The following IFFO2 variants were observed in gnomAD, a reference collection of about 807,000 sequenced individuals.
IFFO2 encodes intermediate filament family orphan 2.
IFFO2 carries 19 observed loss-of-function variants against 53.5 expected under a neutral mutation model. The ratio of observed to expected loss-of-function variants is 0.36; its 90% CI spans 0.25 to 0.52. IFFO2 has a LOEUF of 0.52. IFFO2 is among the 20% of genes least tolerant of loss of function. The pLI, the probability that IFFO2 is intolerant of heterozygous loss-of-function variation, is 0.94. For synonymous variants in IFFO2, 303 were observed against 313.6 expected (o/e 0.97, Z 0.36); for missense variants, 570 against 727.4 (o/e 0.78, Z 2.49).
chr1:18,912,051 T>C lies in IFFO2; in HGVS notation c.1136A>G (p.Asp379Gly). The C allele has an allele frequency of 3.9e-6, 6 of 1,551,736 alleles. No homozygotes were observed. Among genetic ancestry groups the C allele is most frequent in the Non-Finnish European group, 5.2e-6 (6 of 1,146,962 alleles). Residue 379 changes from aspartate to glycine, a missense_variant, in exon 6 of 9, where the codon GAC (aspartate) becomes GGC (glycine). By Grantham distance (94) the Asp-to-Gly change is moderately conservative. Transcript: ENST00000455833. ...TTCATTCTCTTCCCACGTCAGGCTG[T>C]CACAGTCGTCGTCAAAGTCAAAGGT... is the stretch of plus-strand genomic sequence containing the variant. The part of the protein sequence containing the change: ...RETFDFDDDC[D>G]SLTWEENEDT...
rs1430627538 is a variant in IFFO2 at position 18,904,367 on chromosome 1, T to C, written c.*4194A>G. 1 of 152,098 alleles carries C rather than the reference T, an allele frequency of 6.6e-6. No individual in the cohort carries two copies. The highest frequency in any genetic ancestry group is 1.5e-5 in the Non-Finnish European group (1 of 68,028). The allele number at this position is 152,098 out of a possible 1,614,324, so 9.4% of individuals were successfully genotyped here. The stretch of plus-strand genomic sequence containing the variant: ...TATTTACAACAGTACAGTAAACAGG[T>C]TGGTTTCCGGTAGGATCAGTAGTCT... On this transcript the variant is annotated 3_prime_UTR_variant, in exon 9 of 9. Transcript: ENST00000455833.
In IFFO2 at chr1:18,918,236, A is replaced by T; in HGVS notation, c.963+126T>A. 1.1e-6 allele frequency: 1 copy of T among 879,302 alleles called. No homozygotes were observed. Among genetic ancestry groups the T allele is most frequent in the Non-Finnish European group, 1.8e-6 (1 of 569,046 alleles). The allele number at this position is 879,302 out of a possible 1,614,324, so 54.5% of individuals were successfully genotyped here. A position where few individuals can be genotyped will look rare whatever the true frequency, so the allele number is the denominator to read the frequency against. On this transcript the variant is annotated intron_variant, in intron 4 of 8. Transcript: ENST00000455833. The surrounding 1 kb of genome is among the most constrained non-coding windows in gnomAD (Gnocchi z 5.2). ...GGAGGCCACAGGGTCAGGTAGTGCT[A>T]CCTCTCGGGGAAGGGGAGGGAGTGA...
chr1:18,912,713 C>T lies in IFFO2; in HGVS notation c.1104-630G>A, dbSNP rs551197026. ...AAAACAATTCCACCCTCAAAACAAT[C>T]CTATGAGGTAAGCATAACTATCGTT... On this transcript the variant is annotated intron_variant, in intron 5 of 8. Coordinates refer to ENST00000455833, the MANE Select transcript of IFFO2 (RefSeq NM_001136265.2). 5.9e-5 allele frequency among the ~76,000 whole-genome samples: 9 copies of T among 152,312 alleles called. No individual in the cohort carries two copies. In the South Asian group the frequency reaches 1.9e-3, roughly 32 times the overall value.
Position 18,916,589 on chromosome 1 carries a change from G to A in IFFO2, c.1103+314C>T, listed in dbSNP as rs1936135626. ...GAGACCAGCCTGGGCAACACAGTGA[G>A]ACCCTGTCTCTACAAAAAAATTTAA... is the stretch of plus-strand genomic sequence containing the variant. On this transcript the variant is annotated intron_variant, in intron 5 of 8. Transcript: ENST00000455833. This position sits in a 1 kb window ranked among gnomAD's most constrained non-coding sequence, Gnocchi z 4.3. Among the ~76,000 whole-genome samples the A allele has an allele frequency of 6.6e-6, 1 of 152,150 alleles. No individual in the cohort carries two copies. The highest frequency in any genetic ancestry group is 2.4e-5 in the African/African-American group (1 of 41,434).
At chr1:18,924,225 G>A (rs1482503321) in intron 1 of IFFO2, among the ~76,000 whole-genome samples, 1 of 152,238 alleles carries the variant, frequency 6.6e-6, no homozygotes, top group Non-Finnish European at 1.5e-5. Context: ...GGGCCAGGTG[G>A]GCGATGTGTT....
Position 18,947,069 on chromosome 1 carries a change from C to A in IFFO2, c.665+8599G>T, listed in dbSNP as rs1318694503. On this transcript the variant is annotated intron_variant, in intron 1 of 8. Transcript: ENST00000455833. This position sits in a 1 kb window ranked among gnomAD's most constrained non-coding sequence, Gnocchi z 5.0. Reference sequence around the variant, plus strand: ...TTCTCGAGGGCAGGGGCCTGGCCCACGGTGGGTACTCAGCCACTGTTCTGA... The same window carrying A: ...TTCTCGAGGGCAGGGGCCTGGCCCAAGGTGGGTACTCAGCCACTGTTCTGA... Among the ~76,000 whole-genome samples the A allele has an allele frequency of 6.6e-6, 1 of 152,050 alleles. No homozygotes were observed. The highest frequency in any genetic ancestry group is 1.5e-5 in the Non-Finnish European group (1 of 67,988).
At chr1:18,938,812 G>A (rs1247076583) in intron 1 of IFFO2, among the ~76,000 whole-genome samples, 2 of 152,146 alleles carry the variant, frequency 1.3e-5, no homozygotes, top group South Asian at 2.1e-4. Flanking sequence ...CAGGGGCCAC[G>A]CCCACCCCTG....
chr1:18,953,394 C>A (rs1449730964), intron 1 of IFFO2, among the ~76,000 whole-genome samples: 2 of 152,132 alleles, frequency 1.3e-5, no homozygotes, highest in African/African-American at 4.8e-5. Context: ...AACAAGTTAG[C>A]ATGTTAGTAG....
chr1:18,913,982 C>A (rs866498297), intron 5 of IFFO2, among the ~76,000 whole-genome samples: 1 of 150,858 alleles, frequency 6.6e-6, no homozygotes, highest in African/African-American at 2.5e-5. Context: ...CAGGCGCCCG[C>A]CACCACGCCC....
chr1:18,931,943 G>A (rs1313815806), intron 1 of IFFO2, among the ~76,000 whole-genome samples: 3 of 152,210 alleles, frequency 2.0e-5, no homozygotes, highest in Admixed American at 1.3e-4. Flanking sequence ...TGGAAACAAA[G>A]CCACTTTGCC....
At chr1:18,912,967 C>A (rs1032216272) in intron 5 of IFFO2, among the ~76,000 whole-genome samples, 18 of 152,336 alleles carry the variant, frequency 1.2e-4, no homozygotes, top group African/African-American at 4.1e-4. Flanking sequence ...GCTCATCCAA[C>A]ATACCCCTAT....
Position 18,955,946 on chromosome 1 carries a change from C to T in IFFO2, c.387G>A (p.Ala129=). 2 of 1,263,370 alleles carry T rather than the reference C, an allele frequency of 1.6e-6. No homozygotes were observed. The highest frequency in any genetic ancestry group is 2.8e-5 in the South Asian group (1 of 35,582). The allele number at this position is 1,263,370 out of a possible 1,614,324, so 78.3% of individuals were successfully genotyped here. A position where few individuals can be genotyped will look rare whatever the true frequency, so the allele number is the denominator to read the frequency against. Residue 129 remains alanine, a synonymous_variant, in exon 1 of 9, where the codon GCG becomes GCA. Transcript: ENST00000455833. ...PGGGHGLSSG[A]AAGANANAVA... ...CGGCATTGGCGTTGGCGCCGGCCGC[C>T]GCGCCACTGCTGAGGCCGTGCCCGC...
At chr1:18,945,996 C>T (rs1288302210) in intron 1 of IFFO2, among the ~76,000 whole-genome samples, 2 of 152,220 alleles carry the variant, frequency 1.3e-5, no homozygotes, top group African/African-American at 2.4e-5. Flanking sequence ...ACGTTCTGCT[C>T]TAAGCTGTCT....
chr1:18,948,296 G>A (rs763960699), intron 1 of IFFO2, among the ~76,000 whole-genome samples: 1 of 152,218 alleles, frequency 6.6e-6, no homozygotes, highest in African/African-American at 2.4e-5. Flanking sequence ...GACAAACTGA[G>A]GTGCAAGAGA....
Position 18,911,268 on chromosome 1 carries a change from G to A in IFFO2, c.1317+116C>T, listed in dbSNP as rs565512639. ...GAGGCCTCCTGACTCCCGATCCTGC[G>A]CCTGCCCCACTCTACCAGCCCCTGC... On this transcript the variant is annotated intron_variant, in intron 7 of 8. Coordinates refer to ENST00000455833, the MANE Select transcript of IFFO2 (RefSeq NM_001136265.2). The A allele has an allele frequency of 5.8e-5, 27 of 466,216 alleles. 1 individual carries two copies. In the South Asian group the frequency reaches 1.1e-3, roughly 18 times the overall value. The allele number at this position is 466,216 out of a possible 1,614,324, so 28.9% of individuals were successfully genotyped here. A position where few individuals can be genotyped will look rare whatever the true frequency, so the allele number is the denominator to read the frequency against.
In IFFO2 at chr1:18,912,232, C is replaced by G; in HGVS notation, c.1104-149G>C. 6.0e-6 allele frequency: 5 copies of G among 833,090 alleles called. No individual in the cohort carries two copies. In the South Asian group the frequency reaches 9.7e-5, roughly 16 times the overall value. 51.6% of individuals were successfully genotyped at this position (833,090 alleles called of 1,614,324 possible). On this transcript the variant is annotated intron_variant, in intron 5 of 8. Transcript: ENST00000455833. ...GGGGTAGTAAGCCAAAGGGGACATT[C>G]GCCTTATCCAAAAGGAGTTTAACTC...
At chr1:18,949,342 C>T (rs1936629487) in intron 1 of IFFO2, among the ~76,000 whole-genome samples, 2 of 152,222 alleles carry the variant, frequency 1.3e-5, no homozygotes, top group South Asian at 4.1e-4. Context: ...CAGACACATG[C>T]CAGGTAGTTA....
At position 18,907,105 on chromosome 1, in the gene IFFO2, T is replaced by C. The variant is rs1047604079; in HGVS notation, c.*1456A>G. 1.3e-5 allele frequency: 2 copies of C among 152,228 alleles called. No individual in the cohort carries two copies. Among genetic ancestry groups the C allele is most frequent in the African/African-American group, 4.8e-5 (2 of 41,460 alleles). 9.4% of individuals were successfully genotyped at this position (152,228 alleles called of 1,614,324 possible). A position where few individuals can be genotyped will look rare whatever the true frequency, so the allele number is the denominator to read the frequency against. The stretch of plus-strand genomic sequence containing the variant: ...GTTCTAGTCCTTGGGCACATTTTGC[T>C]ACCTTGACCACTAGAGGGAGCTCCT... On this transcript the variant is annotated 3_prime_UTR_variant, in exon 9 of 9. Coordinates refer to ENST00000455833, the MANE Select transcript of IFFO2 (RefSeq NM_001136265.2).
intron 1 of IFFO2, among the ~76,000 whole-genome samples, chr1:18,949,527 G>A (rs930119067): frequency 6.6e-6 from 1 of 152,266 alleles, no homozygotes; most frequent in East Asian, 1.9e-4. Flanking sequence ...TAAATGGAAT[G>A]CCAGCCGGCC....
Sources: gnomAD v4.1 joint callset for allele counts (sites outside exome capture counted in the v4.1 genomes callset) on GRCh38, gnomAD v4.1.1 for gene constraint, Gnocchi (gnomAD v3.1) non-coding constraint, MANE v1.5 for transcripts, NCBI Gene and HGNC (gene_info 2026-07-23, HGNC 2026-07-21) for gene names.